Variants in SHISAL1 observed in about 807,000 individuals in gnomAD.
SHISAL1 encodes the protein shisa like 1.
A neutral mutation model predicts 22.6 loss-of-function variants in SHISAL1; 9 were observed. The ratio of observed to expected loss-of-function variants is 0.40; its 90% CI spans 0.24 to 0.70. SHISAL1 has a LOEUF of 0.70. Ranked by LOEUF, SHISAL1 falls within the 30% of genes least tolerant of loss-of-function variation. The probability of loss-of-function intolerance (pLI) is 0.39; values close to 1 mark genes in which losing one functional copy is unlikely to be tolerated. For synonymous variants in SHISAL1, 119 were observed against 115.4 expected, an observed-to-expected ratio of 1.03 and a Z score of -0.20; for missense variants, 246 against 270.6, an observed-to-expected ratio of 0.91 and a Z score of 0.64.
chr22:44,322,141 T>C, the SHISAL1 span, among the ~76,000 whole-genome samples: 1 of 152,228 alleles, frequency 6.6e-6, no homozygotes, highest in South Asian at 2.1e-4. Context: ...CTGCGTGCCC[T>C]TGGGGAAGTC....
chr22:44,298,707 G>A (rs554800708), intron 2 of SHISAL1, among the ~76,000 whole-genome samples: 1 of 152,348 alleles, frequency 6.6e-6, no homozygotes, highest in South Asian at 2.1e-4. Context: ...GGCAGCATGG[G>A]GAGGCAGCCT....
intron 4 of SHISAL1, among the ~76,000 whole-genome samples, chr22:44,263,353 G>A (rs546602127): frequency 6.6e-6 from 1 of 152,204 alleles, no homozygotes; most frequent in African/African-American, 2.4e-5. Context: ...TTACAGGCGT[G>A]AGCCACTGCA....
intron 1 of SHISAL1, among the ~76,000 whole-genome samples, chr22:44,302,697 AG>A (rs1467047233): frequency 1.4e-5 from 1 of 71,926 alleles, no homozygotes; most frequent in Non-Finnish European, 2.8e-5. Context: ...AGGAGGCAGC[AG>A]GGGCAAAGGC....
chr22:44,290,529 C>CAAAAA (rs546640216), intron 3 of SHISAL1, among the ~76,000 whole-genome samples: 22 of 84,260 alleles, frequency 2.6e-4, no homozygotes, highest in African/African-American at 3.3e-4. Context: ...AACTCAGTCT[C>CAAAAA]AAAAAAAAAA....
chr22:44,252,492 A>G (rs957233896), intron 4 of SHISAL1, among the ~76,000 whole-genome samples: 1 of 152,166 alleles, frequency 6.6e-6, no homozygotes, highest in Admixed American at 6.5e-5. Flanking sequence ...AAACAAAGAC[A>G]ACAGAGACCA....
chr22:44,272,746 G>C (rs1216148606), intron 4 of SHISAL1, among the ~76,000 whole-genome samples: 1 of 152,210 alleles, frequency 6.6e-6, no homozygotes, highest in African/African-American at 2.4e-5. Flanking sequence ...CTTGCCCCTT[G>C]TCCTGGCTAC....
the SHISAL1 span, among the ~76,000 whole-genome samples, chr22:44,327,459 T>A: frequency 6.6e-6 from 1 of 151,978 alleles, no homozygotes; most frequent in East Asian, 1.9e-4. Flanking sequence ...AGGAAGGGGC[T>A]CATGATAACT....
rs1414912731 is a variant in SHISAL1 at position 44,244,238 on chromosome 22, G to C, written c.*5447C>G. 1 of 152,268 alleles carries C rather than the reference G, an allele frequency of 6.6e-6. No homozygotes were observed. The highest frequency in any genetic ancestry group is 1.5e-5 in the Non-Finnish European group (1 of 68,082). The allele number at this position is 152,268 out of a possible 1,614,324, so 9.4% of individuals were successfully genotyped here. A position where few individuals can be genotyped will look rare whatever the true frequency, so the allele number is the denominator to read the frequency against. ...TCTATAGTTTTAGATCCTGTGCTCA[G>C]GGTTGGCGCTGACCAATGTGGGATC... On this transcript the variant is annotated 3_prime_UTR_variant, in exon 5 of 5. Transcript: ENST00000381176.
At chr22:44,263,323 G>T (rs150810398) in intron 4 of SHISAL1, among the ~76,000 whole-genome samples, 1 of 151,980 alleles carries the variant, frequency 6.6e-6, no homozygotes, top group African/African-American at 2.4e-5. Context: ...TGCCCACCTT[G>T]GCCTCCCAAA....
the SHISAL1 span, among the ~76,000 whole-genome samples, chr22:44,329,054 A>G: frequency 6.6e-6 from 1 of 152,044 alleles, no homozygotes; most frequent in African/African-American, 2.4e-5. Context: ...ACAGGTGCCT[A>G]CCGCACGTGC....
At position 44,293,810 on chromosome 22, in the gene SHISAL1, C is replaced by T. The variant is rs568276048; in HGVS notation, c.281+2862G>A. 5.9e-5 allele frequency among the ~76,000 whole-genome samples: 9 copies of T among 152,268 alleles called. No homozygotes were observed. The South Asian group carries it at 1.9e-3, about 32-fold the overall frequency. On this transcript the variant is annotated intron_variant, in intron 3 of 4. Coordinates refer to ENST00000381176, the MANE Select transcript of SHISAL1 (RefSeq NM_001099294.2). ...TGTGCTCCATAAACACTTTCTAGGG[C>T]TAACGATTAAAAATGTAAGTTAAAA...
rs778758974 is a variant in SHISAL1, at chr22:44,300,857, C to A, written c.67+22G>T. The A allele has an allele frequency of 1.5e-5, 24 of 1,611,682 alleles. No individual in the cohort carries two copies. In the African/African-American group the frequency reaches 3.2e-4, roughly 22 times the overall value. On this transcript the variant is annotated intron_variant, in intron 2 of 4. Coordinates refer to ENST00000381176, the MANE Select transcript of SHISAL1 (RefSeq NM_001099294.2). ...ACACCCCCACGTGCCGCCCCCGCCC[C>A]CAGCATCCACGGAGGTTTTACCTGC... is the stretch of plus-strand genomic sequence containing the variant.
intron 4 of SHISAL1, among the ~76,000 whole-genome samples, chr22:44,266,741 T>C (rs4823210): frequency 0.19 from 28,449 of 151,884 alleles, 3,409 homozygotes; most frequent in African/African-American, 0.31. Flanking sequence ...GGCGAGGTGG[T>C]GCACAGGGGA....
chr22:44,256,850 A>C (rs756514104), intron 4 of SHISAL1, among the ~76,000 whole-genome samples: 3 of 152,208 alleles, frequency 2.0e-5, no homozygotes, highest in Non-Finnish European at 2.9e-5. Context: ...AAATGGATCA[A>C]TTTCCAAGAA....
rs148939271 is a variant in SHISAL1 at position 44,266,427 on chromosome 22, G to A, written c.*-16742C>T. On this transcript the variant is annotated intron_variant, in intron 4 of 4. Coordinates refer to ENST00000381176, the MANE Select transcript of SHISAL1 (RefSeq NM_001099294.2). ...GGCTTGTTGTTTGTTGGGGGGCTGT[G>A]TGTGTGTTGGGGGGTTGTGTGTGTG... Among the ~76,000 whole-genome samples, 639 of 145,076 alleles carry A rather than the reference G, an allele frequency of 4.4e-3. 2 individuals carry two copies. The highest frequency in any genetic ancestry group is 8.0e-3 in the Non-Finnish European group (532 of 66,550).
chr22:44,284,220 C>T (rs968189162), intron 4 of SHISAL1, among the ~76,000 whole-genome samples: 3 of 152,062 alleles, frequency 2.0e-5, no homozygotes, highest in African/African-American at 4.8e-5. Context: ...CACTAACTCA[C>T]GTCATTGCTG....
At chr22:44,264,369 T>C (rs1366878554) in intron 4 of SHISAL1, among the ~76,000 whole-genome samples, 2 of 152,182 alleles carry the variant, frequency 1.3e-5, no homozygotes, top group Admixed American at 1.3e-4. Flanking sequence ...TTTGGCAGCC[T>C]CTCTCCAAGC....
At chr22:44,278,998 C>T (rs973978579) in intron 4 of SHISAL1, among the ~76,000 whole-genome samples, 3 of 152,108 alleles carry the variant, frequency 2.0e-5, no homozygotes, top group Non-Finnish European at 4.4e-5. Flanking sequence ...CATCACTGTC[C>T]AGGGCAGGCA....
At chr22:44,269,562 CACACTACA>C (rs2055191725) in intron 4 of SHISAL1, among the ~76,000 whole-genome samples, 16 of 149,724 alleles carry the variant, frequency 1.1e-4, no homozygotes, top group Admixed American at 7.4e-4. Context: ...CAACACTACA[CACACTACA>C]CCATGCCAGA....
Sources: gnomAD v4.1 joint callset for allele counts (sites outside exome capture counted in the v4.1 genomes callset) on GRCh38, gnomAD v4.1.1 for gene constraint, MANE v1.5 for transcripts, NCBI Gene and HGNC (gene_info 2026-07-23, HGNC 2026-07-21) for gene names.